DOCK7: variants seen among roughly 807,000 people sequenced by gnomAD.
DOCK7 encodes dedicator of cytokinesis 7.
DOCK7 carries 138 observed loss-of-function variants against 271.0 expected under a neutral mutation model. That is an observed-to-expected ratio of 0.51 (90% CI 0.44 to 0.59). The LOEUF (loss-of-function observed/expected upper bound fraction) is 0.59, where lower values mean the gene tolerates loss of function less well. Ranked by LOEUF, DOCK7 falls within the 20% of genes least tolerant of loss-of-function variation. The probability of loss-of-function intolerance (pLI) is 0.00; values close to 1 mark genes in which losing one functional copy is unlikely to be tolerated. For synonymous variants in DOCK7, 823 were observed against 876.1 expected, an observed-to-expected ratio of 0.94 and a Z score of 1.07; for missense variants, 2,066 against 2,592.4, an observed-to-expected ratio of 0.80 and a Z score of 4.41.
chr1:62,514,224 T>G (rs1644590764), intron 31 of DOCK7, among the ~76,000 whole-genome samples: 1 of 151,712 alleles, frequency 6.6e-6, no homozygotes, highest in South Asian at 2.1e-4. Context: ...AAGATATATA[T>G]CACAGAATAT....
At chr1:62,511,575 AAAG>A (rs1557647618) in intron 33 of DOCK7, among the ~76,000 whole-genome samples, 1 of 152,166 alleles carries the variant, frequency 6.6e-6, no homozygotes, top group Non-Finnish European at 1.5e-5. Flanking sequence ...AACAAATACA[AAAG>A]AATACAACTA....
intron 2 of DOCK7, among the ~76,000 whole-genome samples, chr1:62,658,246 G>A (rs542968423): frequency 6.6e-6 from 1 of 152,080 alleles, no homozygotes; most frequent in East Asian, 1.9e-4. Flanking sequence ...CTGAGGTTAG[G>A]AGTTCGAGAC....
At position 62,584,927 on chromosome 1, in the gene DOCK7, T is replaced by G. The variant is rs3850634; in HGVS notation, c.1800+1580A>C. The G allele has an allele frequency of 0.33, 220,835 of 679,296 alleles. 37,649 individuals carry two copies. The highest frequency in any genetic ancestry group is 0.43 in the South Asian group (26,498 of 61,140). 42.1% of individuals were successfully genotyped at this position (679,296 alleles called of 1,614,324 possible). Reference sequence around the variant, plus strand: ...ATAAGACAAGGAAGAGTTTGTTAGGTAAACAATAAAAAATAGATTATTCTA... The same window carrying G: ...ATAAGACAAGGAAGAGTTTGTTAGGGAAACAATAAAAAATAGATTATTCTA... On this transcript the variant is annotated intron_variant, in intron 15 of 49. Coordinates refer to ENST00000635253, the MANE Select transcript of DOCK7 (RefSeq NM_001367561.1).
At chr1:62,515,378 CA>C (rs1423648666) in intron 31 of DOCK7, among the ~76,000 whole-genome samples, 3 of 152,204 alleles carry the variant, frequency 2.0e-5, no homozygotes, top group African/African-American at 7.2e-5. Flanking sequence ...CCTAAATCCA[CA>C]ATTGTTCTCA....
At chr1:62,583,457 A>G (rs1411178909) in intron 15 of DOCK7, among the ~76,000 whole-genome samples, 1 of 152,244 alleles carries the variant, frequency 6.6e-6, no homozygotes, top group East Asian at 1.9e-4. Flanking sequence ...CCCATCTGAC[A>G]TTTAAATATT....
intron 35 of DOCK7, among the ~76,000 whole-genome samples, chr1:62,506,402 T>C (rs1000629622): frequency 6.6e-6 from 1 of 152,136 alleles, no homozygotes; most frequent in Non-Finnish European, 1.5e-5. Flanking sequence ...CATCTTGGGA[T>C]CAGTTATCTT....
At chr1:62,656,264 C>G (rs1285398571) in intron 2 of DOCK7, among the ~76,000 whole-genome samples, 1 of 152,048 alleles carries the variant, frequency 6.6e-6, no homozygotes, top group Non-Finnish European at 1.5e-5. Context: ...GCAAAATGTC[C>G]TTACAATTTG....
chr1:62,478,773 CTA>C (rs1354163172), intron 43 of DOCK7: 2 of 151,944 alleles, frequency 1.3e-5, no homozygotes, highest in African/African-American at 4.8e-5. Flanking sequence ...AAAAAAAAAT[CTA>C]TGAGTGAAAG....
chr1:62,479,780 C>T, intron 43 of DOCK7: 1 of 332,324 alleles, frequency 3.0e-6, no homozygotes, highest in Admixed American at 3.1e-5. Context: ...GTCTCCTGGG[C>T]TCAAGCGATC....
chr1:62,483,792 GCTGGTCTTAAACTC>G (rs891110815), intron 43 of DOCK7: 4 of 152,090 alleles, frequency 2.6e-5, no homozygotes, highest in Admixed American at 2.6e-4. Context: ...TGTTGACCAT[GCTGGTCTTAAACTC>G]CTGAACTAAA....
Position 62,663,122 on chromosome 1 carries a change from G to T in DOCK7, c.47C>A (p.Ala16Glu). ...GGAGATCTGCTTCCTAACTTCGGCT[G>T]CCACCGTTCTACAATGAAGAAAGCA... ...AFAQKISRTVAAEVRKQISGQ... is the reference protein window; with the variant it reads ...AFAQKISRTVEAEVRKQISGQ... The change falls in exon 2 of 50, where the codon GCA becomes GAA. Residue 16 changes from alanine (A) to glutamate (E), a missense_variant. Physicochemically the swap from Ala to Glu is moderately radical, Grantham distance 107. Around this residue, in one of 2 missense-constraint regions of DOCK7, gnomAD observed 1,414 missense variants for 1,670.4 expected, o/e 0.85. Coordinates refer to ENST00000635253, the MANE Select transcript of DOCK7 (RefSeq NM_001367561.1). The T allele has an allele frequency of 6.2e-7, 1 of 1,610,614 alleles. No individual in the cohort carries two copies. Among genetic ancestry groups the T allele is most frequent in the Non-Finnish European group, 8.5e-7 (1 of 1,178,522 alleles).
At position 62,538,053 on chromosome 1, in the gene DOCK7, T is replaced by G. The variant is rs1334841216; in HGVS notation, c.3309A>C (p.Ser1103=). 1 of 1,613,496 alleles carries G rather than the reference T, an allele frequency of 6.2e-7. No individual in the cohort carries two copies. The highest frequency in any genetic ancestry group is 1.3e-5 in the African/African-American group (1 of 75,036). The change falls in exon 28 of 50, where the codon TCA becomes TCC. Residue 1103 remains serine (S), a synonymous_variant. Coordinates refer to ENST00000635253, the MANE Select transcript of DOCK7 (RefSeq NM_001367561.1). ...LIKSCYKQVS[S]KLYSLPNPSV... ...TGGGATTCGGTAATGAGTAAAGCTT[T>G]GAAGACACCTTGTAAGCAATGCATA... is the stretch of plus-strand genomic sequence containing the variant.
At chr1:62,587,439 T>G (rs543591923) in intron 14 of DOCK7, among the ~76,000 whole-genome samples, 2 of 152,210 alleles carry the variant, frequency 1.3e-5, no homozygotes, top group East Asian at 3.9e-4. Flanking sequence ...CTAAATTTTC[T>G]GAAGAGTGGT....
intron 38 of DOCK7, 90 bp from the exon 39 acceptor site, chr1:62,495,771 C>A (rs952162275): frequency 9.6e-7 from 1 of 1,044,174 alleles, no homozygotes; most frequent in Non-Finnish European, 1.4e-6. Context: ...AGATAAATAT[C>A]TAAAGATTTC....
At chr1:62,630,446 T>C (rs1042467370) in intron 11 of DOCK7, among the ~76,000 whole-genome samples, 6 of 152,046 alleles carry the variant, frequency 3.9e-5, no homozygotes, top group South Asian at 2.1e-4. Flanking sequence ...CCAAAGTCAA[T>C]AGGGGTCCCG....
At chr1:62,553,350 ATATATTTTTTTTTTTTTTTT>A (rs1175652317) in intron 21 of DOCK7, among the ~76,000 whole-genome samples, 417 of 14,734 alleles carry the variant, frequency 0.028, no homozygotes, top group African/African-American at 0.077. Context: ...ATATATATAT[ATATATTTTTTTTTTTTTTTT>A]TTTTTTTTTT....
rs575899948 is a variant in DOCK7, at chr1:62,615,678, C to T, written c.1682+3028G>A. Among the ~76,000 whole-genome samples, 111 of 151,784 alleles carry T rather than the reference C, an allele frequency of 7.3e-4. No homozygotes were observed. In the South Asian group the frequency reaches 0.023, roughly 31 times the overall value. The stretch of plus-strand genomic sequence containing the variant: ...TATTATTCTCTGGAAATAAACTGTT[C>T]ACTCATGAGAGAAAAATGGTTATTC... On this transcript the variant is annotated intron_variant, in intron 14 of 49. Coordinates refer to ENST00000635253, the MANE Select transcript of DOCK7 (RefSeq NM_001367561.1).
intron 29 of DOCK7, among the ~76,000 whole-genome samples, chr1:62,531,287 C>T (rs1645167746): frequency 6.6e-6 from 1 of 152,178 alleles, no homozygotes; most frequent in African/African-American, 2.4e-5. Context: ...AAACTCTATC[C>T]ACTTGTCTTC....
At chr1:62,469,143 A>T (rs1645759276) in intron 48 of DOCK7, among the ~76,000 whole-genome samples, 1 of 152,224 alleles carries the variant, frequency 6.6e-6, no homozygotes, top group Admixed American at 6.5e-5. Flanking sequence ...ACAAATCTGG[A>T]GGCATCACAT....
Sources: gnomAD v4.1 joint callset for allele counts (sites outside exome capture counted in the v4.1 genomes callset) on GRCh38, gnomAD v4.1.1 for gene constraint, gnomAD v4.1.1 regional missense constraint, MANE v1.5 for transcripts, NCBI Gene and HGNC (gene_info 2026-07-23, HGNC 2026-07-21) for gene names.